Variants in PRKAR1B observed in about 807,000 individuals in gnomAD.
PRKAR1B encodes protein kinase cAMP-dependent type I regulatory subunit beta.
PRKAR1B carries 22 observed loss-of-function variants against 46.5 expected under a neutral mutation model. The observed-to-expected ratio is 0.47, with a 90% CI of 0.34 to 0.68. The LOEUF is 0.68. Among genes scored for constraint, PRKAR1B ranks in the 30% least tolerant of loss-of-function variants. The pLI is 0.01. For missense variants in PRKAR1B, 445 were observed against 535.6 expected, an observed-to-expected ratio of 0.83 and a Z score of 1.67; for synonymous variants, 259 against 217.7, an observed-to-expected ratio of 1.19 and a Z score of -1.67.
At position 680,680 on chromosome 7, in the gene PRKAR1B, G is replaced by A. The variant is rs758284378; in HGVS notation, c.224C>T (p.Ser75Leu). 11 of 1,613,706 alleles carry A rather than the reference G, an allele frequency of 6.8e-6. No homozygotes were observed. The highest frequency in any genetic ancestry group is 1.3e-5 in the African/African-American group (1 of 74,910). The change falls in exon 3 of 11, where the codon TCG becomes TTG. Residue 75 changes from serine (S) to leucine (L), a missense_variant. By Grantham distance (145) the Ser-to-Leu change is moderately radical (BLOSUM62 -2). Transcript: ENST00000537384. Reference protein sequence around the residue: ...ILARQKSNSQSDSHDEEVSPT... With the variant: ...ILARQKSNSQLDSHDEEVSPT... ...CGACACCTCCTCATCATGGGAGTCC[G>A]ACTGTGAGTTTGACTTTTGCCGCGC...
intron 4 of PRKAR1B, among the ~76,000 whole-genome samples, chr7:640,131 C>G (rs891190482): frequency 2.0e-5 from 3 of 151,708 alleles, no homozygotes; most frequent in African/African-American, 7.3e-5. Flanking sequence ...CTATTGCACT[C>G]CAGCCTGGGC....
intron 4 of PRKAR1B, among the ~76,000 whole-genome samples, chr7:623,295 G>A (rs566947326): frequency 1.9e-4 from 29 of 152,266 alleles, no homozygotes; most frequent in African/African-American, 5.5e-4. Context: ...TGGGACCCTC[G>A]GCCACACTCT....
chr7:710,082 G>T (rs532087333), intron 2 of PRKAR1B, among the ~76,000 whole-genome samples: 1 of 152,252 alleles, frequency 6.6e-6, no homozygotes, highest in East Asian at 1.9e-4. Context: ...GTTTTTGCAT[G>T]GACTGCTTCC....
intron 4 of PRKAR1B, among the ~76,000 whole-genome samples, chr7:618,780 C>T (rs1208907101): frequency 2.0e-5 from 3 of 152,310 alleles, no homozygotes; most frequent in East Asian, 3.9e-4. Flanking sequence ...TGCTGATTTG[C>T]AGAAATTCCT....
At chr7:551,714 T>C (rs1422051713) in intron 9 of PRKAR1B, among the ~76,000 whole-genome samples, 4 of 96,470 alleles carry the variant, frequency 4.1e-5, no homozygotes, top group Non-Finnish European at 6.1e-5. Flanking sequence ...CAGGTCCTTC[T>C]CCAGAGCCAC....
chr7:717,575 C>T (rs1429371089), intron 1 of PRKAR1B, among the ~76,000 whole-genome samples: 1 of 151,812 alleles, frequency 6.6e-6, no homozygotes, highest in Non-Finnish European at 1.5e-5. Flanking sequence ...GCAGGATCAC[C>T]TGAACACAAG....
intron 2 of PRKAR1B, among the ~76,000 whole-genome samples, chr7:689,947 C>T (rs1779319995): frequency 6.6e-6 from 1 of 151,060 alleles, no homozygotes; most frequent in African/African-American, 2.4e-5. Context: ...TCCCAAAGTG[C>T]TGGGATTACA....
At chr7:688,787 T>C (rs984761629) in intron 2 of PRKAR1B, among the ~76,000 whole-genome samples, 6 of 152,210 alleles carry the variant, frequency 3.9e-5, no homozygotes, top group East Asian at 1.9e-4. Context: ...ATCTCACAGT[T>C]ACCTATCTGA....
intron 4 of PRKAR1B, among the ~76,000 whole-genome samples, chr7:663,074 T>TCCCGTCCA (rs143249542): frequency 3.3e-5 from 5 of 151,790 alleles, no homozygotes; most frequent in African/African-American, 1.2e-4. Flanking sequence ...GCCTGGAAAA[T>TCCCGTCCA]CCCTTGTGGA....
At position 690,944 on chromosome 7, in the gene PRKAR1B, C is replaced by T. The variant is rs542121800; in HGVS notation, c.178-10218G>A. On this transcript the variant is annotated intron_variant, in intron 2 of 10. Coordinates refer to ENST00000537384, the MANE Select transcript of PRKAR1B (RefSeq NM_001164760.2). The stretch of plus-strand genomic sequence containing the variant: ...GCCACCACAGGCTCCTCTCAGCCTG[C>T]ACTTGGGAATTCTTCCCAGCGGCCC... Among the ~76,000 whole-genome samples, 5 of 152,376 alleles carry T rather than the reference C, an allele frequency of 3.3e-5. No homozygotes were observed. The East Asian group carries it at 9.7e-4, about 29-fold the overall frequency.
chr7:705,237 A>C (rs1241085307), intron 2 of PRKAR1B, among the ~76,000 whole-genome samples: 2 of 151,134 alleles, frequency 1.3e-5, no homozygotes, highest in Non-Finnish European at 2.9e-5. Context: ...CGGGGAGCAG[A>C]GGCTGCAGTA....
intron 5 of PRKAR1B, 63 bp downstream of exon 5, chr7:607,328 T>G: frequency 6.6e-7 from 1 of 1,504,420 alleles, no homozygotes; most frequent in Non-Finnish European, 9.2e-7. Context: ...GCTATTTTTT[T>G]TTTAAGTGCA....
At chr7:567,576 G>A (rs554721557) in intron 9 of PRKAR1B, among the ~76,000 whole-genome samples, 9 of 148,366 alleles carry the variant, frequency 6.1e-5, no homozygotes, top group East Asian at 2.0e-4. Context: ...CACCATCACC[G>A]CCATCATCAT....
In PRKAR1B at chr7:686,829, C is replaced by T. The variant is rs771484209; in HGVS notation, c.178-6103G>A. Among the ~76,000 whole-genome samples the T allele has an allele frequency of 3.9e-5, 6 of 151,974 alleles. No individual in the cohort carries two copies. In the South Asian group the frequency reaches 6.2e-4, roughly 16 times the overall value. On this transcript the variant is annotated intron_variant, in intron 2 of 10. Transcript: ENST00000537384. ...ACAAGAAGTGTCTACAACAAGCAGC[C>T]GAGAAGCTGACAGGCTGAGGTTTCA... is the stretch of plus-strand genomic sequence containing the variant.
At chr7:693,077 G>A (rs984965246) in intron 2 of PRKAR1B, among the ~76,000 whole-genome samples, 4 of 152,018 alleles carry the variant, frequency 2.6e-5, no homozygotes, top group Admixed American at 2.6e-4. Context: ...TGGGACCACA[G>A]GCGCCCACCA....
intron 4 of PRKAR1B, among the ~76,000 whole-genome samples, chr7:670,724 G>A (rs1460614369): frequency 1.3e-5 from 2 of 151,338 alleles, no homozygotes; most frequent in African/African-American, 4.9e-5. Flanking sequence ...CCAGCAGAGG[G>A]ACTCAGGACC....
intron 6 of PRKAR1B, 129 bp from the exon 7 acceptor site, chr7:596,433 G>T: frequency 8.6e-7 from 1 of 1,158,022 alleles, no homozygotes; most frequent in Non-Finnish European, 1.2e-6. Flanking sequence ...AAGCCCTTTC[G>T]CTTGTGGGCA....
intron 4 of PRKAR1B, among the ~76,000 whole-genome samples, chr7:654,097 T>C (rs1366185238): frequency 2.0e-5 from 3 of 150,614 alleles, no homozygotes; most frequent in Non-Finnish European, 4.4e-5. Flanking sequence ...ATCACGATCC[T>C]CACCATCCTC....
At chr7:654,359 A>G (rs976451262) in intron 4 of PRKAR1B, among the ~76,000 whole-genome samples, 4 of 150,160 alleles carry the variant, frequency 2.7e-5, no homozygotes, top group African/African-American at 9.9e-5. Flanking sequence ...CATCTCCATC[A>G]CTGTCATTAC....
Sources: allele counts gnomAD v4.1 joint callset (sites outside exome capture counted in the v4.1 genomes callset), GRCh38; gene constraint gnomAD v4.1.1; transcripts MANE v1.5; gene names NCBI Gene and HGNC (gene_info 2026-07-23, HGNC 2026-07-21).